TENM2: variants seen among roughly 807,000 people sequenced by gnomAD.
TENM2 encodes teneurin-2.
A neutral mutation model predicts 245.2 loss-of-function variants in TENM2; 52 were observed. That is an observed-to-expected ratio of 0.21 (90% CI 0.17 to 0.27). TENM2 has a LOEUF of 0.27. TENM2 is among the 10% of genes least tolerant of loss of function. The probability of loss-of-function intolerance (pLI) is 1.00; values close to 1 mark genes in which losing one functional copy is unlikely to be tolerated. For synonymous variants in TENM2, 1,363 were observed against 1,438.9 expected, an observed-to-expected ratio of 0.95 and a Z score of 1.19; for missense variants, 3,046 against 3,666.8, an observed-to-expected ratio of 0.83 and a Z score of 4.37.
intron 6 of TENM2, among the ~76,000 whole-genome samples, chr5:168,051,929 A>G (rs982490481): frequency 8.5e-5 from 13 of 152,140 alleles, no homozygotes; most frequent in Admixed American, 2.6e-4. Flanking sequence ...ACAAGTTTCC[A>G]TGGCCTGTCA....
At chr5:167,943,424 CA>C (rs1162240173) in intron 3 of TENM2, among the ~76,000 whole-genome samples, 2 of 152,148 alleles carry the variant, frequency 1.3e-5, no homozygotes, top group Non-Finnish European at 2.9e-5. Context: ...GAATGAAATA[CA>C]CCCCCAGGAA....
intron 2 of TENM2, among the ~76,000 whole-genome samples, chr5:167,779,527 T>TG (rs1441853603): frequency 2.6e-5 from 4 of 152,132 alleles, no homozygotes; most frequent in African/African-American, 9.7e-5. Flanking sequence ...CAAAATTACG[T>TG]GGGGTGAGAA....
At chr5:167,642,536 C>T (rs1484372022) in intron 2 of TENM2, among the ~76,000 whole-genome samples, 1 of 152,152 alleles carries the variant, frequency 6.6e-6, no homozygotes, top group Non-Finnish European at 1.5e-5. Flanking sequence ...TTTTTATACA[C>T]ACACACACTC....
At chr5:167,190,006 C>A in the TENM2 span, among the ~76,000 whole-genome samples, 5,201 of 152,036 alleles carry the variant, frequency 0.034, 301 homozygotes, top group African/African-American at 0.12. Flanking sequence ...TAATAGGGCA[C>A]CTTTAACTTA....
At chr5:167,624,419 A>G (rs1778373002) in intron 2 of TENM2, among the ~76,000 whole-genome samples, 1 of 152,148 alleles carries the variant, frequency 6.6e-6, no homozygotes, top group Non-Finnish European at 1.5e-5. Context: ...GGGCTACAAG[A>G]GTAGGGAGGG....
intron 12 of TENM2, among the ~76,000 whole-genome samples, chr5:168,145,695 A>G (rs1755999013): frequency 6.6e-6 from 1 of 151,868 alleles, no homozygotes; most frequent in South Asian, 2.1e-4. Context: ...ACTTTAAAGT[A>G]GTTTTTTCCA....
At chr5:168,105,062 A>G (rs1374766103) in intron 9 of TENM2, among the ~76,000 whole-genome samples, 1 of 152,220 alleles carries the variant, frequency 6.6e-6, no homozygotes, top group African/African-American at 2.4e-5. Context: ...TTTGAATGCC[A>G]TAGACATTCC....
At chr5:167,635,454 A>C (rs1337309536) in intron 2 of TENM2, among the ~76,000 whole-genome samples, 1 of 151,848 alleles carries the variant, frequency 6.6e-6, no homozygotes, top group African/African-American at 2.4e-5. Flanking sequence ...ATTTTCAATA[A>C]ACTAAACTCA....
At chr5:168,001,389 T>C (rs1189707293) in intron 5 of TENM2, among the ~76,000 whole-genome samples, 1 of 152,260 alleles carries the variant, frequency 6.6e-6, no homozygotes, top group Non-Finnish European at 1.5e-5. Flanking sequence ...ATTACAAAAG[T>C]GTAGCAGAAT....
At chr5:168,148,430 A>G (rs1371129562) in intron 12 of TENM2, among the ~76,000 whole-genome samples, 2 of 152,222 alleles carry the variant, frequency 1.3e-5, no homozygotes, top group Non-Finnish European at 2.9e-5. Context: ...CCACACATGA[A>G]TGTACCTCCT....
intron 2 of TENM2, among the ~76,000 whole-genome samples, chr5:167,872,422 GAC>G (rs1772955154): frequency 6.7e-6 from 1 of 149,678 alleles, no homozygotes; most frequent in Non-Finnish European, 1.5e-5. Context: ...GAAAGAGAGA[GAC>G]AGAAAGAAAG....
At chr5:167,546,933 ACT>A (rs1772598476) in intron 2 of TENM2, among the ~76,000 whole-genome samples, 1 of 152,036 alleles carries the variant, frequency 6.6e-6, no homozygotes, top group South Asian at 2.1e-4. Flanking sequence ...CAGTATACAG[ACT>A]CTGCTTATCT....
intron 13 of TENM2, among the ~76,000 whole-genome samples, chr5:168,164,978 A>C (rs1029409282): frequency 6.6e-6 from 1 of 152,136 alleles, no homozygotes; most frequent in Non-Finnish European, 1.5e-5. Flanking sequence ...GGGGTGGTGG[A>C]TGAGAGTATT....
intron 2 of TENM2, among the ~76,000 whole-genome samples, chr5:167,783,778 G>C (rs943010826): frequency 6.6e-6 from 1 of 152,120 alleles, no homozygotes; most frequent in African/African-American, 2.4e-5. Context: ...GTCCTGCTGA[G>C]GAATCACACA....
At chr5:167,670,787 C>T (rs1755887448) in intron 2 of TENM2, among the ~76,000 whole-genome samples, 2 of 152,152 alleles carry the variant, frequency 1.3e-5, no homozygotes, top group African/African-American at 4.8e-5. Flanking sequence ...CAACAGCCTG[C>T]TGGGCAAATC....
chr5:167,011,217 T>C, the TENM2 span, among the ~76,000 whole-genome samples: 13,868 of 152,256 alleles, frequency 0.091, 2,039 homozygotes, highest in African/African-American at 0.31. Flanking sequence ...TTAACACCAA[T>C]TGTCTTGAGC....
intron 12 of TENM2, among the ~76,000 whole-genome samples, chr5:168,136,483 T>TC (rs1355983648): frequency 2.0e-5 from 3 of 152,158 alleles, no homozygotes; most frequent in African/African-American, 7.2e-5. Context: ...AAGGTTGTGT[T>TC]CCCCCGTGCC....
At chr5:167,839,062 T>A (rs937895367) in intron 2 of TENM2, among the ~76,000 whole-genome samples, 1 of 152,204 alleles carries the variant, frequency 6.6e-6, no homozygotes, top group Non-Finnish European at 1.5e-5. Context: ...CAAAGCACAC[T>A]CAATGAGTGT....
intron 1 of TENM2, among the ~76,000 whole-genome samples, chr5:167,353,868 G>A (rs909005013): frequency 7.2e-5 from 11 of 152,146 alleles, no homozygotes; most frequent in African/African-American, 2.4e-4. Context: ...AGTGGTTGGA[G>A]AGAGAGCACT....
Sources: allele counts gnomAD v4.1 joint callset (sites outside exome capture counted in the v4.1 genomes callset), GRCh38; gene constraint gnomAD v4.1.1; transcripts MANE v1.5; gene names NCBI Gene and HGNC (gene_info 2026-07-23, HGNC 2026-07-21).